Variants in FGGY observed in about 807,000 individuals in gnomAD.
FGGY encodes FGGY carbohydrate kinase domain containing, also known as FGGY carbohydrate kinase domain-containing protein.
FGGY carries 72 observed loss-of-function variants against 71.3 expected under a neutral mutation model. That is an observed-to-expected ratio of 1.01 (90% CI 0.84 to 1.23). The LOEUF (loss-of-function observed/expected upper bound fraction) is 1.23. Among genes scored for constraint, FGGY ranks in the 50% most tolerant of loss-of-function variants. The probability of loss-of-function intolerance (pLI) is 0.00; values close to 1 mark genes in which losing one functional copy is unlikely to be tolerated. For synonymous variants in FGGY, 251 were observed against 250.3 expected (o/e 1.00, Z -0.02); for missense variants, 668 against 682.3 (o/e 0.98, Z 0.23).
chr1:59,701,002 C>T (rs2097704887), intron 14 of FGGY, among the ~76,000 whole-genome samples: 1 of 152,156 alleles, frequency 6.6e-6, no homozygotes, highest in African/African-American at 2.4e-5. Flanking sequence ...TGTGGGGCTC[C>T]TCTCTCTTTC....
At chr1:59,458,697 G>T (rs906274780) in intron 6 of FGGY, among the ~76,000 whole-genome samples, 1 of 152,128 alleles carries the variant, frequency 6.6e-6, no homozygotes, top group African/African-American at 2.4e-5. Flanking sequence ...ATTTTTAATG[G>T]ATTTCCTAAG....
At chr1:59,469,333 C>T (rs1289833627) in intron 6 of FGGY, among the ~76,000 whole-genome samples, 1 of 152,176 alleles carries the variant, frequency 6.6e-6, no homozygotes, top group African/African-American at 2.4e-5. Context: ...AACTTCTGGG[C>T]ATCTGATAAG....
intron 6 of FGGY, among the ~76,000 whole-genome samples, chr1:59,489,243 C>T: frequency 6.6e-6 from 1 of 152,032 alleles, no homozygotes; most frequent in South Asian, 2.1e-4. Flanking sequence ...ATTCAATATC[C>T]TCCTAGGTAT....
chr1:59,420,409 C>T (rs186833723), intron 5 of FGGY, among the ~76,000 whole-genome samples: 29 of 152,306 alleles, frequency 1.9e-4, no homozygotes, highest in African/African-American at 7.0e-4. Flanking sequence ...GTATGTACTT[C>T]CCACGTGTTG....
intron 8 of FGGY, among the ~76,000 whole-genome samples, chr1:59,586,484 A>G (rs1260013531): frequency 6.6e-6 from 1 of 152,110 alleles, no homozygotes; most frequent in Non-Finnish European, 1.5e-5. Flanking sequence ...AGGAAGGGGA[A>G]CATCACACAC....
At chr1:59,759,427 C>A (rs919947906) in intron 15 of FGGY, among the ~76,000 whole-genome samples, 5 of 152,164 alleles carry the variant, frequency 3.3e-5, no homozygotes, top group Non-Finnish European at 7.3e-5. Flanking sequence ...TGTTTCTGTT[C>A]CCTGGAGGCA....
At chr1:59,728,910 A>G (rs765795911) in intron 14 of FGGY, among the ~76,000 whole-genome samples, 5 of 151,832 alleles carry the variant, frequency 3.3e-5, no homozygotes, top group Non-Finnish European at 2.9e-5. Flanking sequence ...TTCTGGATCT[A>G]TTGTTTGGTG....
At chr1:59,478,127 G>C (rs886537902) in intron 6 of FGGY, among the ~76,000 whole-genome samples, 1 of 152,200 alleles carries the variant, frequency 6.6e-6, no homozygotes, top group East Asian at 1.9e-4. Context: ...ACCTCTCTCT[G>C]AGAATTTGGA....
chr1:59,427,265 G>T (rs1027458502), intron 5 of FGGY, among the ~76,000 whole-genome samples: 3 of 152,130 alleles, frequency 2.0e-5, no homozygotes, highest in African/African-American at 7.2e-5. Flanking sequence ...CAGCAGCTGG[G>T]GCCCTTGCTG....
chr1:59,539,217 G>A (rs1558277056), intron 7 of FGGY, among the ~76,000 whole-genome samples: 3 of 152,148 alleles, frequency 2.0e-5, no homozygotes, highest in Non-Finnish European at 4.4e-5. Context: ...TATAGATTCA[G>A]TGTACTTCAG....
intron 5 of FGGY, among the ~76,000 whole-genome samples, chr1:59,386,920 C>T (rs1175209439): frequency 2.0e-5 from 3 of 151,948 alleles, no homozygotes; most frequent in Non-Finnish European, 4.4e-5. Flanking sequence ...TTTTACTTTT[C>T]CTCTCCCCTC....
chr1:59,320,197 G>T (rs2046149875), intron 1 of FGGY, among the ~76,000 whole-genome samples: 3 of 152,178 alleles, frequency 2.0e-5, no homozygotes, highest in Admixed American at 2.0e-4. Context: ...CAATTCTGTT[G>T]GGAAATCATT....
intron 6 of FGGY, among the ~76,000 whole-genome samples, chr1:59,496,836 T>C (rs1390287111): frequency 2.6e-5 from 4 of 152,236 alleles, no homozygotes; most frequent in African/African-American, 2.4e-5. Flanking sequence ...AAAGTCCCAA[T>C]TGTTACATCA....
chr1:59,354,726 G>T (rs2053960073), intron 4 of FGGY, among the ~76,000 whole-genome samples: 1 of 152,196 alleles, frequency 6.6e-6, no homozygotes, highest in African/African-American at 2.4e-5. Flanking sequence ...TGGGATAAGG[G>T]CCCTGGGGTA....
intron 10 of FGGY, among the ~76,000 whole-genome samples, chr1:59,637,404 G>A (rs1437990435): frequency 1.3e-5 from 2 of 152,162 alleles, no homozygotes; most frequent in East Asian, 1.9e-4. Flanking sequence ...AGGCCGAGAT[G>A]TGTGGATCAC....
At chr1:59,558,488 A>T (rs2095730535) in intron 8 of FGGY, among the ~76,000 whole-genome samples, 1 of 152,166 alleles carries the variant, frequency 6.6e-6, no homozygotes, top group East Asian at 1.9e-4. Flanking sequence ...TTTATTAAGG[A>T]TTTCAAAAGG....
At chr1:59,499,427 C>G (rs749796634) in intron 6 of FGGY, among the ~76,000 whole-genome samples, 2 of 150,668 alleles carry the variant, frequency 1.3e-5, no homozygotes, top group East Asian at 3.9e-4. Context: ...AGCTAGATAA[C>G]GTGAGAATTC....
chr1:59,667,536 A>G (rs1485926262), intron 13 of FGGY, 133 bp downstream of exon 13: 2 of 1,132,068 alleles, frequency 1.8e-6, no homozygotes, highest in Admixed American at 4.7e-5. Context: ...TGAAGTCTTT[A>G]TATTCACAAT....
At chr1:59,543,573 C>T (rs1454645170) in intron 7 of FGGY, among the ~76,000 whole-genome samples, 2 of 152,188 alleles carry the variant, frequency 1.3e-5, no homozygotes, top group Non-Finnish European at 2.9e-5. Flanking sequence ...TCAACTAACC[C>T]TGACAAAACC....
Sources: allele counts gnomAD v4.1 joint callset (sites outside exome capture counted in the v4.1 genomes callset), GRCh38; gene constraint gnomAD v4.1.1; transcripts MANE v1.5; gene names NCBI Gene and HGNC (gene_info 2026-07-23, HGNC 2026-07-21).